USP8: variants seen among roughly 807,000 people sequenced by gnomAD.
USP8 encodes ubiquitin carboxyl-terminal hydrolase 8.
In USP8, 27 loss-of-function variants were observed where a neutral mutation model predicts 130.0. That is an observed-to-expected ratio of 0.21 (90% CI 0.15 to 0.29). The LOEUF (loss-of-function observed/expected upper bound fraction) is 0.29. Among genes scored for constraint, USP8 ranks in the 10% least tolerant of loss-of-function variants. USP8 has a pLI of 1.00. For missense variants in USP8, 1,029 were observed against 1,312.2 expected (o/e 0.78, Z 3.33); for synonymous variants, 392 against 444.1 (o/e 0.88, Z 1.48).
Position 50,513,919 on chromosome 15 carries a change from T to G in USP8, c.*14831T>G, listed in dbSNP as rs187337410. 43 of 152,330 alleles carry G rather than the reference T, an allele frequency of 2.8e-4. 1 individual carries two copies. In the East Asian group the frequency reaches 8.1e-3, roughly 29 times the overall value. 9.4% of individuals were successfully genotyped at this position (152,330 alleles called of 1,614,324 possible). On this transcript the variant is annotated 3_prime_UTR_variant, in exon 20 of 20. Coordinates refer to ENST00000307179, the MANE Select transcript of USP8 (RefSeq NM_005154.5). ...GAACCAGGAGTTTCACTCCTAGGTA[T>G]GTACTCAAAAGAACTGTGTACACTA...
chr15:50,443,642 T>C (rs7182980), intron 3 of USP8, among the ~76,000 whole-genome samples: 22,288 of 151,522 alleles, frequency 0.15, 2,051 homozygotes, highest in Middle Eastern at 0.28. Context: ...CACCACCACG[T>C]CCAGCTAATT....
intron 1 of USP8, among the ~76,000 whole-genome samples, chr15:50,431,304 G>T (rs1291659524): frequency 6.6e-6 from 1 of 151,816 alleles, no homozygotes; most frequent in Non-Finnish European, 1.5e-5. Flanking sequence ...TCATTCCCTT[G>T]TTCTCATCTC....
intron 16 of USP8, among the ~76,000 whole-genome samples, chr15:50,494,961 G>C (rs1343847602): frequency 6.6e-6 from 1 of 151,194 alleles, no homozygotes. Context: ...GTTGCAGTGA[G>C]CCGAGATTGC....
rs757196521 is a variant in USP8, at chr15:50,441,419, G to T, written c.175G>T (p.Ala59Ser). The change falls in exon 3 of 20, where the codon GCC becomes TCC. Residue 59 changes from alanine to serine, a missense_variant. Ala to Ser is a moderately conservative substitution (Grantham distance 99). Around this residue, in one of 4 missense-constraint regions of USP8, gnomAD observed 281 missense variants for 336.7 expected, o/e 0.83. Transcript: ENST00000307179. ...ECRLDRDEER[A>S]YVLYMKYVTV... ...CAGATTAGATCGTGATGAGGAAAGG[G>T]CCTATGTACTATATATGAAATACGT... The T allele has an allele frequency of 1.9e-6, 3 of 1,609,382 alleles. No individual in the cohort carries two copies. Among genetic ancestry groups the T allele is most frequent in the Non-Finnish European group, 2.5e-6 (3 of 1,178,938 alleles).
chr15:50,478,425 ATTT>A (rs2051646181), intron 10 of USP8, among the ~76,000 whole-genome samples: 1 of 152,174 alleles, frequency 6.6e-6, no homozygotes, highest in Admixed American at 6.5e-5. Flanking sequence ...CCCCAGATAT[ATTT>A]AAAACAGTAT....
chr15:50,435,784 T>G (rs905339391), intron 1 of USP8, among the ~76,000 whole-genome samples: 3 of 152,194 alleles, frequency 2.0e-5, no homozygotes, highest in Non-Finnish European at 2.9e-5. Context: ...TTGAACTGTT[T>G]CCAAAAATCA....
At chr15:50,426,381 T>C (rs985372589) in intron 1 of USP8, among the ~76,000 whole-genome samples, 4 of 152,224 alleles carry the variant, frequency 2.6e-5, no homozygotes, top group Non-Finnish European at 5.9e-5. Context: ...AGTTACCTAT[T>C]GCTGCATAAC....
At chr15:50,481,342 CTGAG>C (rs1337830605) in intron 10 of USP8, 135 bp from the exon 11 acceptor site, 10 of 559,458 alleles carry the variant, frequency 1.8e-5, no homozygotes, top group Non-Finnish European at 2.9e-5. Context: ...AATCTTGACA[CTGAG>C]TAATTAACAA....
intron 4 of USP8, among the ~76,000 whole-genome samples, chr15:50,453,766 T>C (rs760615577): frequency 2.0e-5 from 3 of 152,146 alleles, no homozygotes; most frequent in Non-Finnish European, 4.4e-5. Flanking sequence ...TTTTGTTTCA[T>C]GTATTTTGAA....
intron 18 of USP8, 56 bp from the exon 19 acceptor site, chr15:50,498,540 A>T (rs978932592): frequency 6.7e-7 from 1 of 1,503,248 alleles, no homozygotes; most frequent in African/African-American, 1.4e-5. Flanking sequence ...TTAATGAATG[A>T]GGATTCATCC....
At chr15:50,498,055 C>G (rs974098233) in intron 18 of USP8, among the ~76,000 whole-genome samples, 3 of 152,090 alleles carry the variant, frequency 2.0e-5, no homozygotes, top group African/African-American at 7.2e-5. Flanking sequence ...TACACATTTG[C>G]TAAAATTTTT....
chr15:50,496,036 C>T lies in USP8; in HGVS notation c.2847C>T (p.Phe949=), dbSNP rs781719153. 1 of 1,613,886 alleles carries T rather than the reference C, an allele frequency of 6.2e-7. No homozygotes were observed. Among genetic ancestry groups the T allele is most frequent in the South Asian group, 1.1e-5 (1 of 91,038 alleles). ...AAAAGTCTAGGACATTTGAGGCCTT[C>T]ATGTATTTGTCTCTACCACTAGCAT... ...CHKKSRTFEA[F]MYLSLPLAST... The change falls in exon 17 of 20, where the codon TTC becomes TTT. Residue 949 remains phenylalanine (F), a synonymous_variant. Transcript: ENST00000307179.
chr15:50,494,093 G>T lies in USP8; in HGVS notation c.2471G>T (p.Gly824Val). Residue 824 changes from glycine to valine, a missense_variant, in exon 16 of 20, where the codon GGT becomes GTT. Gly to Val is a moderately radical substitution (Grantham distance 109, BLOSUM62 -3). Coordinates refer to ENST00000307179, the MANE Select transcript of USP8 (RefSeq NM_005154.5). ...AGGTCAAATTTGTTGGGGCATAAAG[G>T]TGAAGTGGCAGAAGAATTTGGTATA... The part of the protein sequence containing the change: ...INRSNLLGHK[G>V]EVAEEFGIIM... 1 of 1,609,348 alleles carries T rather than the reference G, an allele frequency of 6.2e-7. No individual in the cohort carries two copies. The highest frequency in any genetic ancestry group is 8.5e-7 in the Non-Finnish European group (1 of 1,179,076).
intron 11 of USP8, among the ~76,000 whole-genome samples, chr15:50,483,568 G>A (rs1173989241): frequency 1.3e-5 from 2 of 152,238 alleles, no homozygotes; most frequent in Non-Finnish European, 2.9e-5. Flanking sequence ...GCCTAGACGA[G>A]CGGATCACTT....
At chr15:50,436,626 T>G (rs1157007954) in intron 1 of USP8, among the ~76,000 whole-genome samples, 2 of 152,006 alleles carry the variant, frequency 1.3e-5, no homozygotes, top group Non-Finnish European at 2.9e-5. Context: ...GCCTCCTGAG[T>G]AGCTGGGATT....
intron 14 of USP8, 34 bp downstream of exon 14, chr15:50,490,559 T>C: frequency 1.9e-6 from 3 of 1,597,634 alleles, no homozygotes; most frequent in Middle Eastern, 1.7e-4. Flanking sequence ...ACTAAAATAA[T>C]GTGCTGTATT....
chr15:50,444,038 G>A (rs2050341599), intron 3 of USP8, among the ~76,000 whole-genome samples: 1 of 150,056 alleles, frequency 6.7e-6, no homozygotes, highest in Non-Finnish European at 1.5e-5. Flanking sequence ...ATTTTTGAAA[G>A]TCTTAAAATT....
In USP8 at chr15:50,506,350, A is replaced by G. The variant is rs117164637; in HGVS notation, c.*7262A>G. The G allele has an allele frequency of 2.6e-5, 4 of 152,298 alleles. No individual in the cohort carries two copies. The highest frequency in any genetic ancestry group is 3.9e-4 in the East Asian group (2 of 5,180). 9.4% of individuals were successfully genotyped at this position (152,298 alleles called of 1,614,324 possible). A position where few individuals can be genotyped will look rare whatever the true frequency, so the allele number is the denominator to read the frequency against. On this transcript the variant is annotated 3_prime_UTR_variant, in exon 20 of 20. Coordinates refer to ENST00000307179, the MANE Select transcript of USP8 (RefSeq NM_005154.5). ...AGATTCTCACAGCAGCACAAACTCTATTGTGAACTGCGCATGTGAGGGATC... is the reference window on the plus strand; with the variant it reads ...AGATTCTCACAGCAGCACAAACTCTGTTGTGAACTGCGCATGTGAGGGATC...
chr15:50,495,219 CAAA>C (rs2052331491), intron 16 of USP8, among the ~76,000 whole-genome samples: 1 of 138,002 alleles, frequency 7.2e-6, no homozygotes. Flanking sequence ...CACACCTACA[CAAA>C]AATATTTGTG....
Sources: gnomAD v4.1 joint callset for allele counts (sites outside exome capture counted in the v4.1 genomes callset) on GRCh38, gnomAD v4.1.1 for gene constraint, gnomAD v4.1.1 regional missense constraint, MANE v1.5 for transcripts, NCBI Gene and HGNC (gene_info 2026-07-23, HGNC 2026-07-21) for gene names.